Variants in SHANK2 observed in about 807,000 individuals in gnomAD.
SHANK2 encodes SH3 and multiple ankyrin repeat domains 2.
In SHANK2, 43 loss-of-function variants were observed where a neutral mutation model predicts 133.7. The observed-to-expected ratio is 0.32, with a 90% CI of 0.25 to 0.41. SHANK2 has a LOEUF of 0.41. Among genes scored for constraint, SHANK2 ranks in the 10% least tolerant of loss-of-function variants. SHANK2 has a pLI of 1.00. For missense variants in SHANK2, 1,994 were observed against 2,235.8 expected (o/e 0.89, Z 2.18); for synonymous variants, 1,017 against 952.8 (o/e 1.07, Z -1.24).
intron 25 of SHANK2, among the ~76,000 whole-genome samples, chr11:70,481,322 C>T (rs949171190): frequency 1.2e-4 from 19 of 152,220 alleles, no homozygotes; most frequent in Admixed American, 9.8e-4. Flanking sequence ...CAGGGAAGAG[C>T]TTTGAGCATC....
chr11:71,167,881 C>T (rs1439936809), intron 2 of SHANK2, among the ~76,000 whole-genome samples: 3 of 146,648 alleles, frequency 2.0e-5, no homozygotes, highest in Middle Eastern at 3.8e-3. Context: ...CGGGCAGAGG[C>T]GCCCCTCACC....
At chr11:70,646,873 A>ATTTTTTTT (rs1565210756) in intron 17 of SHANK2, among the ~76,000 whole-genome samples, 1 of 148,348 alleles carries the variant, frequency 6.7e-6, no homozygotes, top group African/African-American at 2.5e-5. Context: ...TTATTTATTT[A>ATTTTTTTT]TTTTTGAGAC....
intron 17 of SHANK2, chr11:70,654,231 A>G (rs1168396020): frequency 1.3e-5 from 2 of 152,228 alleles, no homozygotes; most frequent in East Asian, 3.8e-4. Context: ...GCCCTGCAGC[A>G]GGCGGGTAAG....
intron 17 of SHANK2, among the ~76,000 whole-genome samples, chr11:70,517,310 T>G (rs1267061783): frequency 1.3e-5 from 2 of 152,202 alleles, no homozygotes; most frequent in African/African-American, 4.8e-5. Context: ...AGTTTGGCAG[T>G]TTCTTACAAA....
At chr11:71,231,647 G>C (rs544997346) in intron 1 of SHANK2, among the ~76,000 whole-genome samples, 2 of 152,256 alleles carry the variant, frequency 1.3e-5, no homozygotes, top group South Asian at 2.1e-4. Flanking sequence ...CAGCACCTTG[G>C]GAGGCCAAGG....
At chr11:70,800,527 AT>A (rs1948021246) in intron 13 of SHANK2, among the ~76,000 whole-genome samples, 2 of 152,314 alleles carry the variant, frequency 1.3e-5, no homozygotes, top group South Asian at 4.1e-4. Flanking sequence ...CCTCATTTGA[AT>A]CTCAAAGGCC....
intron 3 of SHANK2, among the ~76,000 whole-genome samples, chr11:71,134,352 T>C (rs1565470927): frequency 6.6e-6 from 1 of 151,900 alleles, no homozygotes; most frequent in Non-Finnish European, 1.5e-5. Context: ...ACAGTGGTGA[T>C]GGGCTCACTC....
At chr11:70,840,585 C>T (rs1235320713) in intron 11 of SHANK2, among the ~76,000 whole-genome samples, 2 of 152,282 alleles carry the variant, frequency 1.3e-5, no homozygotes, top group African/African-American at 4.8e-5. Context: ...GGGAGGGGAG[C>T]CCTCTCCCTC....
chr11:70,634,637 G>T (rs12287115), intron 17 of SHANK2: 14,999 of 152,244 alleles, frequency 0.099, 863 homozygotes, highest in African/African-American at 0.15. Context: ...GAGGTGGGCG[G>T]ATCACTTGAG....
At chr11:70,797,529 G>C (rs1162448069) in intron 14 of SHANK2, among the ~76,000 whole-genome samples, 1 of 152,142 alleles carries the variant, frequency 6.6e-6, no homozygotes, top group Non-Finnish European at 1.5e-5. Context: ...ACTCCTCCTT[G>C]CTTTCCAGAA....
In SHANK2 at chr11:70,535,605, G is replaced by A. The variant is rs2059533401; in HGVS notation, c.2062-32674C>T. On this transcript the variant is annotated intron_variant, in intron 17 of 25. Transcript: ENST00000601538. This position sits in a 1 kb window ranked among gnomAD's most constrained non-coding sequence, Gnocchi z 4.3. Reference sequence around the variant, plus strand: ...CTGCTGGTGCATCTCATGTCTGTCAGGTTGCCTCTGTGAGGTCAAGTGTTG... The same window carrying A: ...CTGCTGGTGCATCTCATGTCTGTCAAGTTGCCTCTGTGAGGTCAAGTGTTG... 1.3e-5 allele frequency among the ~76,000 whole-genome samples: 2 copies of A among 152,234 alleles called. No homozygotes were observed. Among genetic ancestry groups the A allele is most frequent in the South Asian group, 2.1e-4 (1 of 4,834 alleles).
At chr11:70,953,187 G>A (rs1950870161) in intron 10 of SHANK2, among the ~76,000 whole-genome samples, 1 of 152,096 alleles carries the variant, frequency 6.6e-6, no homozygotes, top group Non-Finnish European at 1.5e-5. Flanking sequence ...GCTGGGCCTA[G>A]CAGGAGGTGT....
In SHANK2 at chr11:70,595,255, C is replaced by T. The variant is rs527564150; in HGVS notation, c.2061+64573G>A. 5.1e-4 allele frequency among the ~76,000 whole-genome samples: 78 copies of T among 152,328 alleles called. 1 individual carries two copies. The highest frequency in any genetic ancestry group is 7.3e-4 in the Non-Finnish European group (50 of 68,040). On this transcript the variant is annotated intron_variant, in intron 17 of 25. Transcript: ENST00000601538. ...GGCAGTTTGAAGGGTGCAGCCCGGC[C>T]GTCCACCCCGACCCCCTCTCAGGAA...
intron 15 of SHANK2, among the ~76,000 whole-genome samples, chr11:70,695,607 A>T (rs1199544719): frequency 1.3e-5 from 2 of 152,200 alleles, no homozygotes; most frequent in Non-Finnish European, 2.9e-5. Flanking sequence ...TGGGGCCTGA[A>T]TGCCAGGGCT....
chr11:70,757,095 T>C, intron 14 of SHANK2, among the ~76,000 whole-genome samples: 1 of 152,206 alleles, frequency 6.6e-6, no homozygotes, highest in Non-Finnish European at 1.5e-5. Context: ...AATGTGACTA[T>C]TCTTATTTTT....
At chr11:71,207,442 A>C (rs2135668564) in intron 2 of SHANK2, among the ~76,000 whole-genome samples, 1 of 152,286 alleles carries the variant, frequency 6.6e-6, no homozygotes. Flanking sequence ...GGCTTCCCAA[A>C]GTGCTGGGAT....
At chr11:70,753,352 C>T (rs1384540254) in intron 14 of SHANK2, among the ~76,000 whole-genome samples, 2 of 152,150 alleles carry the variant, frequency 1.3e-5, no homozygotes, top group Non-Finnish European at 2.9e-5. Flanking sequence ...GAACACCGCA[C>T]TCAACAATAA....
intron 10 of SHANK2, among the ~76,000 whole-genome samples, chr11:70,938,136 A>G (rs1555083733): frequency 1.3e-5 from 2 of 152,258 alleles, no homozygotes; most frequent in Non-Finnish European, 2.9e-5. Flanking sequence ...GACAAATCCG[A>G]TTGGCTCAAA....
intron 11 of SHANK2, among the ~76,000 whole-genome samples, chr11:70,857,646 G>A (rs1949192505): frequency 6.6e-6 from 1 of 152,152 alleles, no homozygotes; most frequent in Non-Finnish European, 1.5e-5. Flanking sequence ...ATCATCCTCA[G>A]CACTTTAGTT....
Sources: allele counts gnomAD v4.1 joint callset (sites outside exome capture counted in the v4.1 genomes callset), GRCh38; gene constraint gnomAD v4.1.1; non-coding constraint Gnocchi (gnomAD v3.1); transcripts MANE v1.5; gene names NCBI Gene and HGNC (gene_info 2026-07-23, HGNC 2026-07-21).